Variants in SPIDR observed in about 807,000 individuals in gnomAD.
SPIDR encodes the protein scaffold protein involved in DNA repair.
In SPIDR, 93 loss-of-function variants were observed where a neutral mutation model predicts 104.6. That is an observed-to-expected ratio of 0.89 (90% CI 0.75 to 1.06). The LOEUF (loss-of-function observed/expected upper bound fraction) is 1.06, where lower values mean the gene tolerates loss of function less well. Among genes scored for constraint, SPIDR ranks in the 50% least tolerant of loss-of-function variants. The pLI is 0.00. For missense variants in SPIDR, 1,154 were observed against 1,111.2 expected (o/e 1.04, Z -0.55); for synonymous variants, 431 against 416.9 (o/e 1.03, Z -0.41).
chr8:47,662,351 C>G (rs2074257866), intron 10 of SPIDR, among the ~76,000 whole-genome samples: 1 of 152,168 alleles, frequency 6.6e-6, no homozygotes, highest in Non-Finnish European at 1.5e-5. Context: ...CTCAAGATAA[C>G]TAGAAAGTTG....
chr8:47,504,304 T>C (rs900836751), intron 8 of SPIDR, among the ~76,000 whole-genome samples: 40 of 152,236 alleles, frequency 2.6e-4, no homozygotes. Context: ...TTTCACATAG[T>C]CCCATATTTC....
At chr8:47,485,118 C>T (rs538334655) in intron 8 of SPIDR, among the ~76,000 whole-genome samples, 16 of 152,304 alleles carry the variant, frequency 1.1e-4, no homozygotes, top group East Asian at 3.9e-4. Flanking sequence ...CTGTGATAGA[C>T]GACGCCTGGA....
At chr8:47,715,868 C>T (rs533119574) in intron 16 of SPIDR, among the ~76,000 whole-genome samples, 2 of 152,068 alleles carry the variant, frequency 1.3e-5, no homozygotes, top group East Asian at 3.9e-4. Flanking sequence ...ACTGGAATTG[C>T]TAAGTCATAT....
At chr8:47,732,029 G>C in intron 19 of SPIDR, 8 of 662,256 alleles carry the variant, frequency 1.2e-5, no homozygotes, top group Non-Finnish European at 1.1e-5. Context: ...GGGTGGGACG[G>C]TGCTGTGGCA....
intron 7 of SPIDR, among the ~76,000 whole-genome samples, chr8:47,420,876 T>G (rs1328498902): frequency 2.6e-5 from 4 of 152,246 alleles, no homozygotes; most frequent in African/African-American, 9.6e-5. Flanking sequence ...TGAAGCTTAG[T>G]TTGGCTGGAT....
At chr8:47,417,598 C>CT (rs1554676340) in intron 7 of SPIDR, among the ~76,000 whole-genome samples, 1 of 152,160 alleles carries the variant, frequency 6.6e-6, no homozygotes, top group Admixed American at 6.5e-5. Flanking sequence ...ATGGTAGTTT[C>CT]TTTTGCTCTG....
chr8:47,606,827 A>C (rs1181576451), intron 10 of SPIDR, among the ~76,000 whole-genome samples: 1 of 152,124 alleles, frequency 6.6e-6, no homozygotes, highest in Non-Finnish European at 1.5e-5. Context: ...TTTTCTTCCC[A>C]CTAAACAGTT....
At chr8:47,398,106 AG>A (rs1407437069) in intron 6 of SPIDR, among the ~76,000 whole-genome samples, 1 of 152,224 alleles carries the variant, frequency 6.6e-6, no homozygotes, top group African/African-American at 2.4e-5. Context: ...CCTCAAAAAA[AG>A]AATGTAATTT....
At chr8:47,339,534 T>C (rs782707738) in intron 5 of SPIDR, among the ~76,000 whole-genome samples, 3 of 152,140 alleles carry the variant, frequency 2.0e-5, no homozygotes, top group African/African-American at 7.2e-5. Flanking sequence ...CTTGTGAAAA[T>C]GGGTATTTAT....
At chr8:47,719,531 A>G (rs528045929) in intron 16 of SPIDR, among the ~76,000 whole-genome samples, 63 of 152,170 alleles carry the variant, frequency 4.1e-4, no homozygotes, top group African/African-American at 1.5e-3. Context: ...TAGAAAGCAT[A>G]TAAGCACCAG....
chr8:47,621,272 G>A (rs1395376323), intron 10 of SPIDR, among the ~76,000 whole-genome samples: 1 of 152,196 alleles, frequency 6.6e-6, no homozygotes, highest in Non-Finnish European at 1.5e-5. Context: ...ATGGGTTTTA[G>A]TGTGTTCACA....
intron 9 of SPIDR, 53 bp downstream of exon 9, chr8:47,596,059 G>A (rs1720004227): frequency 7.3e-6 from 11 of 1,502,550 alleles, no homozygotes; most frequent in African/African-American, 1.4e-5. Context: ...TTAGTGACTG[G>A]ATTTGGAAGG....
intron 8 of SPIDR, among the ~76,000 whole-genome samples, chr8:47,564,072 CTTTTTTTTTT>C (rs869220760): frequency 1.3e-5 from 1 of 76,832 alleles, no homozygotes. Flanking sequence ...TTTTTCTTTT[CTTTTTTTTTT>C]TTTTTTTTTT....
intron 10 of SPIDR, among the ~76,000 whole-genome samples, chr8:47,647,265 A>T (rs1588777651): frequency 1.3e-5 from 2 of 152,150 alleles, no homozygotes; most frequent in African/African-American, 4.8e-5. Flanking sequence ...AAATCCATAC[A>T]CCATTGGAAC....
chr8:47,625,332 A>G (rs955963614), intron 10 of SPIDR, among the ~76,000 whole-genome samples: 2 of 152,244 alleles, frequency 1.3e-5, no homozygotes, highest in African/African-American at 4.8e-5. Context: ...GGCACAAGAC[A>G]GGGATGCCCT....
intron 10 of SPIDR, among the ~76,000 whole-genome samples, chr8:47,651,556 T>A (rs1389022396): frequency 6.6e-6 from 1 of 152,200 alleles, no homozygotes; most frequent in East Asian, 1.9e-4. Context: ...CTTAAAGAGC[T>A]AAAAGTAGAT....
At chr8:47,549,048 C>G (rs1279605286) in intron 8 of SPIDR, among the ~76,000 whole-genome samples, 2 of 152,148 alleles carry the variant, frequency 1.3e-5, no homozygotes, top group Non-Finnish European at 2.9e-5. Context: ...TGATAGTTTG[C>G]TCAGAATGAT....
rs1343067748 is a variant in SPIDR, at chr8:47,396,616, A to C, written c.766A>C (p.Lys256Gln). ...GACTCCAGAAAATTCAGCAAAGAAG[A>C]AGCTTTTAAGGTTAAATTATACCCT... ...PRTPENSAKK[K>Q]LLRGGLAERL... The change falls in exon 6 of 20, where the codon AAG (lysine) becomes CAG (glutamine). Residue 256 changes from lysine to glutamine, a missense_variant. Coordinates refer to ENST00000297423, the MANE Select transcript of SPIDR (RefSeq NM_001080394.4). 1 of 1,612,522 alleles carries C rather than the reference A, an allele frequency of 6.2e-7. No homozygotes were observed. The highest frequency in any genetic ancestry group is 1.3e-5 in the African/African-American group (1 of 74,788).
rs2077119404 is a variant in SPIDR at position 47,483,195 on chromosome 8, T to A, written c.1097+42653T>A. On this transcript the variant is annotated intron_variant, in intron 8 of 19. Transcript: ENST00000297423. ...TGTGTGTGTGTCTTTTATTTTACGC[T>A]TGGGGTTGTCTTTTTAAAACTTTCT... 3.3e-5 allele frequency among the ~76,000 whole-genome samples: 5 copies of A among 152,342 alleles called. No homozygotes were observed. In the South Asian group the frequency reaches 8.3e-4, roughly 25 times the overall value.
Sources: allele counts gnomAD v4.1 joint callset (sites outside exome capture counted in the v4.1 genomes callset), GRCh38; gene constraint gnomAD v4.1.1; transcripts MANE v1.5; gene names NCBI Gene and HGNC (gene_info 2026-07-23, HGNC 2026-07-21).